RSU1: variants seen among roughly 807,000 people sequenced by gnomAD.
RSU1 encodes rsu-1.
A neutral mutation model predicts 31.1 loss-of-function variants in RSU1; 26 were observed. The ratio of observed to expected loss-of-function variants is 0.84; its 90% CI spans 0.61 to 1.16. The LOEUF is 1.16. Ranked by LOEUF, RSU1 falls within the 50% of genes most tolerant of loss-of-function variation. The probability of loss-of-function intolerance (pLI) is 0.00; values close to 1 mark genes in which losing one functional copy is unlikely to be tolerated. For synonymous variants in RSU1, 164 were observed against 136.3 expected (o/e 1.20, Z -1.41); for missense variants, 320 against 339.1 (o/e 0.94, Z 0.44).
chr10:16,596,681 G>A (rs764623605), intron 8 of RSU1, among the ~76,000 whole-genome samples: 29 of 152,106 alleles, frequency 1.9e-4, no homozygotes, highest in Non-Finnish European at 4.0e-4. Context: ...AAAAAAATAC[G>A]TATGTACATT....
rs74125818 is a variant in RSU1 at position 16,687,039 on chromosome 10, G to C, written c.731+7984C>G. Among the ~76,000 whole-genome samples, 935 of 152,326 alleles carry C rather than the reference G, an allele frequency of 6.1e-3. 4 individuals carry two copies. The highest frequency in any genetic ancestry group is 0.031 in the South Asian group (151 of 4,830). ...GCTCCCAGGCAAGCACAGAGTGCTG[G>C]AGGATTAACCACATTAGAGGACCAG... On this transcript the variant is annotated intron_variant, in intron 8 of 8. Coordinates refer to ENST00000345264, the MANE Select transcript of RSU1 (RefSeq NM_012425.4).
At chr10:16,725,729 T>G (rs1156255664) in intron 7 of RSU1, among the ~76,000 whole-genome samples, 2 of 151,132 alleles carry the variant, frequency 1.3e-5, no homozygotes, top group East Asian at 3.9e-4. Context: ...CTCCTTGATC[T>G]CAGGCTTCCC....
chr10:16,730,100 G>C (rs1158866179), intron 7 of RSU1, among the ~76,000 whole-genome samples: 1 of 152,178 alleles, frequency 6.6e-6, no homozygotes, highest in African/African-American at 2.4e-5. Context: ...GTGTATAGAT[G>C]ACAGCGAGAG....
chr10:16,663,029 G>A (rs576757556), intron 8 of RSU1, among the ~76,000 whole-genome samples: 35 of 151,182 alleles, frequency 2.3e-4, no homozygotes, highest in Middle Eastern at 3.5e-3. Context: ...TTTGCTCAGC[G>A]TAGAAACAGA....
chr10:16,773,033 C>A (rs1457011660), intron 3 of RSU1, among the ~76,000 whole-genome samples: 1 of 151,830 alleles, frequency 6.6e-6, no homozygotes, highest in Non-Finnish European at 1.5e-5. Flanking sequence ...AGGGCGAAAC[C>A]CCACCTCTAC....
At position 16,771,820 on chromosome 10, in the gene RSU1, T is replaced by C. The variant is rs567948555; in HGVS notation, c.161-7310A>G. Among the ~76,000 whole-genome samples, 23 of 152,214 alleles carry C rather than the reference T, an allele frequency of 1.5e-4. 1 individual carries two copies. Among genetic ancestry groups the C allele is most frequent in the Non-Finnish European group, 4.4e-5 (3 of 68,020 alleles). On this transcript the variant is annotated intron_variant, in intron 3 of 8. Transcript: ENST00000345264. Reference sequence around the variant, plus strand: ...GGTAGTTCCAGGTTATTTAAAAACATAAAGTTTATGAAACAGTAAAGCAAA... The same window carrying C: ...GGTAGTTCCAGGTTATTTAAAAACACAAAGTTTATGAAACAGTAAAGCAAA...
At chr10:16,759,581 T>C (rs1837166540) in intron 4 of RSU1, among the ~76,000 whole-genome samples, 1 of 152,196 alleles carries the variant, frequency 6.6e-6, no homozygotes, top group Non-Finnish European at 1.5e-5. Flanking sequence ...TATGTGTTTA[T>C]GAGACAAGCT....
intron 2 of RSU1, among the ~76,000 whole-genome samples, chr10:16,804,929 A>G (rs1274796151): frequency 6.6e-6 from 1 of 152,098 alleles, no homozygotes; most frequent in Non-Finnish European, 1.5e-5. Context: ...ATTTGCCAAA[A>G]CCCATAAAAC....
At chr10:16,690,850 G>A (rs1564318428) in intron 8 of RSU1, among the ~76,000 whole-genome samples, 1 of 152,134 alleles carries the variant, frequency 6.6e-6, no homozygotes, top group Non-Finnish European at 1.5e-5. Context: ...GGAAGGAGGA[G>A]GAGGTTCATA....
chr10:16,774,484 C>T (rs1228634421), intron 3 of RSU1, among the ~76,000 whole-genome samples: 1 of 152,158 alleles, frequency 6.6e-6, no homozygotes, highest in Non-Finnish European at 1.5e-5. Context: ...GCAGAAGAAT[C>T]GCTTGAACTC....
At chr10:16,805,841 T>C (rs1838256142) in intron 2 of RSU1, among the ~76,000 whole-genome samples, 1 of 152,086 alleles carries the variant, frequency 6.6e-6, no homozygotes, top group Non-Finnish European at 1.5e-5. Flanking sequence ...CCCATATCTG[T>C]AAGAGGCACG....
intron 8 of RSU1, among the ~76,000 whole-genome samples, chr10:16,689,012 GAAAA>G (rs34750489): frequency 2.4e-5 from 3 of 123,312 alleles, no homozygotes; most frequent in African/African-American, 9.0e-5. Context: ...TGTCCCTAAG[GAAAA>G]AAAAAAAAAG....
Position 16,817,025 on chromosome 10 carries a change from C to G in RSU1, c.57G>C (p.Glu19Asp), listed in dbSNP as rs575892562. Reference protein sequence around the residue: ...VEESREKNQPEVDMSDRGISN... With the variant: ...VEESREKNQPDVDMSDRGISN... ...AGATGCCCCGGTCACTCATGTCCACCTCGGGCTGGTTCTTCTCCCGGCTCT... is the reference window on the plus strand; with the variant it reads ...AGATGCCCCGGTCACTCATGTCCACGTCGGGCTGGTTCTTCTCCCGGCTCT... The change falls in exon 2 of 9, where the codon GAG (glutamate) becomes GAC (aspartate). Residue 19 changes from glutamate (E) to aspartate (D), a missense_variant. Glu to Asp is a conservative substitution (Grantham distance 45). Coordinates refer to ENST00000345264, the MANE Select transcript of RSU1 (RefSeq NM_012425.4). 2.5e-6 allele frequency: 4 copies of G among 1,614,262 alleles called. No homozygotes were observed. Among genetic ancestry groups the G allele is most frequent in the Admixed American group, 3.3e-5 (2 of 60,034 alleles).
chr10:16,683,326 G>A (rs530215233), intron 8 of RSU1, among the ~76,000 whole-genome samples: 4 of 152,166 alleles, frequency 2.6e-5, no homozygotes, highest in East Asian at 3.9e-4. Flanking sequence ...ACTCAATGCC[G>A]TTTCTGGGCA....
At chr10:16,808,308 T>A (rs1172331256) in intron 2 of RSU1, among the ~76,000 whole-genome samples, 1 of 151,372 alleles carries the variant, frequency 6.6e-6, no homozygotes, top group Admixed American at 6.6e-5. Flanking sequence ...CAAAACCCCA[T>A]CCCCATCTCT....
intron 3 of RSU1, among the ~76,000 whole-genome samples, chr10:16,777,884 G>C (rs978981488): frequency 2.6e-5 from 4 of 152,176 alleles, no homozygotes; most frequent in Non-Finnish European, 5.9e-5. Flanking sequence ...CCACGCATCT[G>C]AGCGGTCATG....
At chr10:16,596,810 C>T (rs1344520576) in intron 8 of RSU1, among the ~76,000 whole-genome samples, 1 of 152,178 alleles carries the variant, frequency 6.6e-6, no homozygotes, top group African/African-American at 2.4e-5. Context: ...GCAGCTTCTG[C>T]CTCCCGAGTT....
chr10:16,685,158 G>C (rs1835417249), intron 8 of RSU1, among the ~76,000 whole-genome samples: 2 of 152,200 alleles, frequency 1.3e-5, no homozygotes, highest in Non-Finnish European at 2.9e-5. Context: ...ACCGAGGCAA[G>C]AGAATCGCTT....
At chr10:16,634,282 G>A (rs1052557043) in intron 8 of RSU1, among the ~76,000 whole-genome samples, 4 of 152,328 alleles carry the variant, frequency 2.6e-5, no homozygotes, top group East Asian at 1.9e-4. Flanking sequence ...AGCCCAGGCA[G>A]ACAAAACACT....
Sources: gnomAD v4.1 joint callset for allele counts (sites outside exome capture counted in the v4.1 genomes callset) on GRCh38, gnomAD v4.1.1 for gene constraint, MANE v1.5 for transcripts, NCBI Gene and HGNC (gene_info 2026-07-23, HGNC 2026-07-21) for gene names.